The following KCNQ1 variants were observed in gnomAD, a reference collection of about 807,000 sequenced individuals.
KCNQ1 encodes potassium voltage-gated channel subfamily KQT member 1.
In KCNQ1, 49 loss-of-function variants were observed where a neutral mutation model predicts 72.4. The observed-to-expected ratio is 0.68, with a 90% CI of 0.54 to 0.86. KCNQ1 has a LOEUF of 0.86. Ranked by LOEUF, KCNQ1 falls within the 40% of genes least tolerant of loss-of-function variation. The probability of loss-of-function intolerance (pLI) is 0.00; values close to 1 mark genes in which losing one functional copy is unlikely to be tolerated. For missense variants in KCNQ1, 790 were observed against 945.1 expected (o/e 0.84, Z 2.15); for synonymous variants, 450 against 412.6 (o/e 1.09, Z -1.10).
intron 15 of KCNQ1, among the ~76,000 whole-genome samples, chr11:2,801,454 G>T (rs1164688125): frequency 6.6e-6 from 1 of 152,236 alleles, no homozygotes; most frequent in Non-Finnish European, 1.5e-5. Flanking sequence ...CGAGAGCAAG[G>T]TTGTGGAAGG....
intron 2 of KCNQ1, among the ~76,000 whole-genome samples, chr11:2,530,306 C>T (rs1847597357): frequency 6.6e-6 from 1 of 152,250 alleles, no homozygotes; most frequent in Non-Finnish European, 1.5e-5. Flanking sequence ...GGATGTTCTG[C>T]CCCGGCCAAC....
intron 6 of KCNQ1, among the ~76,000 whole-genome samples, chr11:2,581,351 C>T (rs554242100): frequency 4.7e-4 from 72 of 152,352 alleles, no homozygotes; most frequent in African/African-American, 1.6e-3. Context: ...TCCGATGCCC[C>T]GCCCACTTTG....
chr11:2,529,890 G>A (rs557392753), intron 2 of KCNQ1, among the ~76,000 whole-genome samples: 14 of 152,286 alleles, frequency 9.2e-5, no homozygotes, highest in Admixed American at 7.2e-4. Context: ...CTTCAGGTCC[G>A]ATGCCTGGCG....
intron 11 of KCNQ1, among the ~76,000 whole-genome samples, chr11:2,718,900 A>G (rs965326996): frequency 1.3e-5 from 2 of 152,228 alleles, no homozygotes; most frequent in Admixed American, 1.3e-4. Context: ...CCTCCCTGCC[A>G]TGCACCTTAA....
intron 2 of KCNQ1, among the ~76,000 whole-genome samples, chr11:2,560,352 T>TG (rs370138452): frequency 0.044 from 786 of 17,970 alleles, 39 homozygotes; most frequent in East Asian, 0.099. Flanking sequence ...CCTGGGGGAA[T>TG]GGGGGGGGTG....
chr11:2,635,545 C>G (rs1177168217), intron 10 of KCNQ1: 1 of 152,140 alleles, frequency 6.6e-6, no homozygotes, highest in Non-Finnish European at 1.5e-5. Context: ...GTCTATATCT[C>G]TGTTTTGGTA....
chr11:2,833,611 G>T lies in KCNQ1; in HGVS notation c.1795-14156G>T, dbSNP rs111860021. On this transcript the variant is annotated intron_variant, in intron 15 of 15. Coordinates refer to ENST00000155840, the MANE Select transcript of KCNQ1 (RefSeq NM_000218.3). ...GAGGCTGGGTTCCTGGGGTGGGCAG[G>T]CTTCCCCGCTTCACTCCATTTGCAG... is the stretch of plus-strand genomic sequence containing the variant. Among the ~76,000 whole-genome samples, 552 of 152,318 alleles carry T rather than the reference G, an allele frequency of 3.6e-3. 2 individuals are homozygous for T. Among genetic ancestry groups the T allele is most frequent in the African/African-American group, 7.8e-3 (324 of 41,576 alleles).
intron 1 of KCNQ1, among the ~76,000 whole-genome samples, chr11:2,517,427 G>A (rs562119022): frequency 1.5e-3 from 224 of 152,282 alleles, no homozygotes; most frequent in Middle Eastern, 3.4e-3. Context: ...GCCCTGGGAC[G>A]GGTTGGATTT....
rs1849919372 is a variant in KCNQ1 at position 2,659,859 on chromosome 11, C to T, written c.1394-2102C>T. 1 of 398,038 alleles carries T rather than the reference C, an allele frequency of 2.5e-6. No homozygotes were observed. Among genetic ancestry groups the T allele is most frequent in the Non-Finnish European group, 4.4e-6 (1 of 225,942 alleles). The allele number at this position is 398,038 out of a possible 1,614,324, so 24.7% of individuals were successfully genotyped here. A position where few individuals can be genotyped will look rare whatever the true frequency, so the allele number is the denominator to read the frequency against. ...TGTTAATTATGTATCTTTTCATGTGCTTATTTATAATCCATTTTTAAAATT... is the reference window on the plus strand; with the variant it reads ...TGTTAATTATGTATCTTTTCATGTGTTTATTTATAATCCATTTTTAAAATT... On this transcript the variant is annotated intron_variant, in intron 10 of 15. Transcript: ENST00000155840. This position sits in a 1 kb window ranked among gnomAD's most constrained non-coding sequence, Gnocchi z 4.3.
intron 15 of KCNQ1, among the ~76,000 whole-genome samples, chr11:2,804,091 G>T (rs1469386651): frequency 6.6e-6 from 1 of 152,188 alleles, no homozygotes; most frequent in Non-Finnish European, 1.5e-5. Flanking sequence ...CTTAGGAAGT[G>T]CTGCAGGGAC....
chr11:2,760,875 G>A (rs1458995847), intron 11 of KCNQ1, among the ~76,000 whole-genome samples: 3 of 152,194 alleles, frequency 2.0e-5, no homozygotes, highest in South Asian at 4.1e-4. Flanking sequence ...AGGTTGTGGG[G>A]CTCCGACCCC....
At chr11:2,605,878 C>T (rs141458129) in intron 10 of KCNQ1, among the ~76,000 whole-genome samples, 31 of 152,278 alleles carry the variant, frequency 2.0e-4, no homozygotes, top group African/African-American at 7.2e-4. Context: ...GGAGTGTTGC[C>T]ATCTTAACAA....
chr11:2,695,775 C>G lies in KCNQ1; in HGVS notation c.1514+33694C>G, dbSNP rs966404641. Reference sequence around the variant, plus strand: ...TCTGCCAACACTTGGCCTTATCCTACTTTCTAATGCTTCTCCTATGAAGAA... The same window carrying G: ...TCTGCCAACACTTGGCCTTATCCTAGTTTCTAATGCTTCTCCTATGAAGAA... On this transcript the variant is annotated intron_variant, in intron 11 of 15. Transcript: ENST00000155840. This position sits in a 1 kb window ranked among gnomAD's most constrained non-coding sequence, Gnocchi z 5.2. 1 of 398,536 alleles carries G rather than the reference C, an allele frequency of 2.5e-6. No individual in the cohort carries two copies. The highest frequency in any genetic ancestry group is 2.1e-5 in the African/African-American group (1 of 48,632). The allele number at this position is 398,536 out of a possible 1,614,324, so 24.7% of individuals were successfully genotyped here. A position where few individuals can be genotyped will look rare whatever the true frequency, so the allele number is the denominator to read the frequency against.
Position 2,593,267 on chromosome 11 carries a change from G to A in KCNQ1, c.1393+4413G>A, listed in dbSNP as rs971636157. 6.6e-6 allele frequency among the ~76,000 whole-genome samples: 1 copy of A among 152,182 alleles called. No homozygotes were observed. Among genetic ancestry groups the A allele is most frequent in the Non-Finnish European group, 1.5e-5 (1 of 68,028 alleles). On this transcript the variant is annotated intron_variant, in intron 10 of 15. Coordinates refer to ENST00000155840, the MANE Select transcript of KCNQ1 (RefSeq NM_000218.3). The surrounding 1 kb of genome is among the most constrained non-coding windows in gnomAD (Gnocchi z 6.9). ...TGAATGCCCCTAGGAGGCCAGAGGA[G>A]ACTTCCCCAAATTCACTGGTCCTGG...
At position 2,768,507 on chromosome 11, in the gene KCNQ1, A is replaced by T. The variant is rs939532140; in HGVS notation, c.1515-337A>T. On this transcript the variant is annotated intron_variant, in intron 11 of 15. Coordinates refer to ENST00000155840, the MANE Select transcript of KCNQ1 (RefSeq NM_000218.3). This position sits in a 1 kb window ranked among gnomAD's most constrained non-coding sequence, Gnocchi z 6.7. Reference sequence around the variant, plus strand: ...AGGATCCTGAAGGCCCAAGCATAGAAAGAAGTTGCTATGGCTGCCATGTGT... The same window carrying T: ...AGGATCCTGAAGGCCCAAGCATAGATAGAAGTTGCTATGGCTGCCATGTGT... Among the ~76,000 whole-genome samples the T allele has an allele frequency of 6.6e-6, 1 of 152,170 alleles. No homozygotes were observed. The highest frequency in any genetic ancestry group is 2.4e-5 in the African/African-American group (1 of 41,444).
rs1315418279 is a variant in KCNQ1 at position 2,817,389 on chromosome 11, C to G, written c.1795-30378C>G. On this transcript the variant is annotated intron_variant, in intron 15 of 15. Transcript: ENST00000155840. This position sits in a 1 kb window ranked among gnomAD's most constrained non-coding sequence, Gnocchi z 6.1. ...CCCCAGGAGGAGAATCACACCAGTG[C>G]CCCCTGACCCCCAGCCTTGTGCAGA... Among the ~76,000 whole-genome samples the G allele has an allele frequency of 6.6e-6, 1 of 151,986 alleles. No homozygotes were observed. The highest frequency in any genetic ancestry group is 1.5e-5 in the Non-Finnish European group (1 of 68,016).
At chr11:2,535,993 C>T (rs1455778541) in intron 2 of KCNQ1, among the ~76,000 whole-genome samples, 1 of 152,174 alleles carries the variant, frequency 6.6e-6, no homozygotes, top group Non-Finnish European at 1.5e-5. Flanking sequence ...CGGGGCATGG[C>T]ATGAAGACCC....
rs553277438 is a variant in KCNQ1, at chr11:2,774,889, C to T, written c.1591-1071C>T. 2.1e-4 allele frequency among the ~76,000 whole-genome samples: 32 copies of T among 152,312 alleles called. No homozygotes were observed. In the East Asian group the frequency reaches 5.8e-3, roughly 28 times the overall value. On this transcript the variant is annotated intron_variant, in intron 12 of 15. Transcript: ENST00000155840. ...TACCTGAGCTTCCTCCTTTCTCATCCTGGGCCTCAATTGCCTCCCTCTGAC... is the reference window on the plus strand; with the variant it reads ...TACCTGAGCTTCCTCCTTTCTCATCTTGGGCCTCAATTGCCTCCCTCTGAC...
chr11:2,819,707 C>T (rs771746218), intron 15 of KCNQ1, among the ~76,000 whole-genome samples: 11 of 152,104 alleles, frequency 7.2e-5, no homozygotes, highest in Non-Finnish European at 1.0e-4. Flanking sequence ...GGATGGATGT[C>T]GTCTGCTTTT....
Sources: allele counts gnomAD v4.1 joint callset (sites outside exome capture counted in the v4.1 genomes callset), GRCh38; gene constraint gnomAD v4.1.1; non-coding constraint Gnocchi (gnomAD v3.1); transcripts MANE v1.5; gene names NCBI Gene and HGNC (gene_info 2026-07-23, HGNC 2026-07-21).